Variants in RANBP2 observed in about 807,000 individuals in gnomAD.
RANBP2 encodes E3 SUMO-protein ligase RanBP2.
RANBP2 carries 57 observed loss-of-function variants against 303.6 expected under a neutral mutation model. The observed-to-expected ratio is 0.19, with a 90% CI of 0.15 to 0.23. The LOEUF (loss-of-function observed/expected upper bound fraction) is 0.23, where lower values mean the gene tolerates loss of function less well. RANBP2 is among the 10% of genes least tolerant of loss of function. The probability of loss-of-function intolerance (pLI) is 1.00; values close to 1 mark genes in which losing one functional copy is unlikely to be tolerated. For synonymous variants in RANBP2, 1,167 were observed against 1,301.5 expected, an observed-to-expected ratio of 0.90 and a Z score of 2.23; for missense variants, 3,138 against 3,780.8, an observed-to-expected ratio of 0.83 and a Z score of 4.46.
the RANBP2 span, among the ~76,000 whole-genome samples, chr2:108,887,469 G>C: frequency 6.6e-6 from 1 of 152,044 alleles, no homozygotes; most frequent in Non-Finnish European, 1.5e-5. Flanking sequence ...TGGGCAACGT[G>C]GTTATTTTAA....
intron 1 of RANBP2, among the ~76,000 whole-genome samples, chr2:108,721,128 G>A (rs937409535): frequency 1.3e-5 from 2 of 152,158 alleles, no homozygotes; most frequent in Admixed American, 6.5e-5. Flanking sequence ...GTCTCTTATC[G>A]TAACTAAGCA....
chr2:109,097,121 T>C, the RANBP2 span, among the ~76,000 whole-genome samples: 1 of 152,116 alleles, frequency 6.6e-6, no homozygotes, highest in African/African-American at 2.4e-5. Context: ...CTGGCCAACA[T>C]GGTGAAACCC....
chr2:109,640,492 A>G, the RANBP2 span, among the ~76,000 whole-genome samples: 3 of 152,088 alleles, frequency 2.0e-5, no homozygotes, highest in Non-Finnish European at 2.9e-5. Flanking sequence ...TGTTTTCAAA[A>G]CCCAAGTCTC....
the RANBP2 span, among the ~76,000 whole-genome samples, chr2:108,790,914 G>A: frequency 6.6e-6 from 1 of 151,712 alleles, no homozygotes; most frequent in Non-Finnish European, 1.5e-5. Flanking sequence ...ACTACTCCCA[G>A]CTAATTTATT....
chr2:109,347,383 C>T, the RANBP2 span, among the ~76,000 whole-genome samples: 8 of 152,128 alleles, frequency 5.3e-5, no homozygotes, highest in East Asian at 1.4e-3. Flanking sequence ...CCAGCACCTA[C>T]TTCAGAGTCC....
chr2:109,070,689 T>C, the RANBP2 span, among the ~76,000 whole-genome samples: 1 of 152,022 alleles, frequency 6.6e-6, no homozygotes, highest in Middle Eastern at 3.2e-3. Context: ...GTGAAACCCA[T>C]CTCTACTAAA....
chr2:109,493,039 T>TACACCATAAAAACACACACAC, the RANBP2 span, among the ~76,000 whole-genome samples: 1 of 150,670 alleles, frequency 6.6e-6, no homozygotes, highest in Non-Finnish European at 1.5e-5. Context: ...TACAAACACA[T>TACACCATAAAAACACACACAC]ACCCCACATA....
chr2:109,649,586 T>C, the RANBP2 span, among the ~76,000 whole-genome samples: 35 of 152,082 alleles, frequency 2.3e-4, no homozygotes, highest in African/African-American at 8.2e-4. Flanking sequence ...TTAGTAGAGA[T>C]GGGGTTTCAC....
chr2:108,859,999 C>G, the RANBP2 span, among the ~76,000 whole-genome samples: 1 of 151,966 alleles, frequency 6.6e-6, no homozygotes. Context: ...TTATAGTTCT[C>G]CTTGTAGAGA....
Position 108,719,562 on chromosome 2 carries a change from C to T in RANBP2, c.-45C>T, listed in dbSNP as rs79379002. ...CTTGGAAGTGGCGACTGCTGCGGGC[C>T]TGAGCGCTGGTCTCACGCGCCTCGG... On this transcript the variant is annotated 5_prime_UTR_variant, in exon 1 of 29. Transcript: ENST00000283195. 0.034 allele frequency: 53,630 copies of T among 1,578,448 alleles called. 1,001 individuals carry two copies. The highest frequency in any genetic ancestry group is 0.039 in the Non-Finnish European group (45,658 of 1,163,922).
the RANBP2 span, chr2:109,546,255 A>G: frequency 6.6e-7 from 1 of 1,519,594 alleles, no homozygotes; most frequent in Non-Finnish European, 8.8e-7. Flanking sequence ...CAAAAGTGCA[A>G]TCCCCACTAC....
chr2:108,826,610 A>G, the RANBP2 span, among the ~76,000 whole-genome samples: 1 of 152,040 alleles, frequency 6.6e-6, no homozygotes, highest in African/African-American at 2.4e-5. Flanking sequence ...CCATTGTTCT[A>G]TTTGTCTATC....
chr2:109,670,388 T>C, the RANBP2 span, among the ~76,000 whole-genome samples: 2 of 150,804 alleles, frequency 1.3e-5, no homozygotes, highest in African/African-American at 2.4e-5. Context: ...TGGTTGGGGA[T>C]ACTATCTGGG....
chr2:109,057,009 A>G, the RANBP2 span, among the ~76,000 whole-genome samples: 2 of 152,208 alleles, frequency 1.3e-5, no homozygotes, highest in Non-Finnish European at 2.9e-5. Context: ...GGTTTAATCT[A>G]TCTCTCATCT....
the RANBP2 span, among the ~76,000 whole-genome samples, chr2:108,792,537 C>T: frequency 1.3e-4 from 20 of 152,130 alleles, no homozygotes; most frequent in East Asian, 1.9e-4. Context: ...AAGAAATGCT[C>T]GGGCCAGGGA....
chr2:109,634,763 A>G, the RANBP2 span, among the ~76,000 whole-genome samples: 1 of 152,196 alleles, frequency 6.6e-6, no homozygotes, highest in African/African-American at 2.4e-5. Context: ...TAACATGGGA[A>G]GGAGGCTTAG....
the RANBP2 span, chr2:108,885,025 T>C: frequency 6.6e-6 from 1 of 152,236 alleles, no homozygotes; most frequent in Admixed American, 6.5e-5. Context: ...AATACAAATA[T>C]TTGCAGAGAA....
At chr2:109,105,892 C>T in the RANBP2 span, among the ~76,000 whole-genome samples, 23 of 126,080 alleles carry the variant, frequency 1.8e-4, no homozygotes, top group East Asian at 4.6e-3. Flanking sequence ...CACGCTCTGT[C>T]GCCCAGGCTG....
chr2:109,729,208 G>A, the RANBP2 span, among the ~76,000 whole-genome samples: 12 of 152,174 alleles, frequency 7.9e-5, no homozygotes, highest in Non-Finnish European at 1.5e-4. Flanking sequence ...GTTCCTTCAC[G>A]TAGGAGAAAG....
Sources: gnomAD v4.1 joint callset for allele counts (sites outside exome capture counted in the v4.1 genomes callset) on GRCh38, gnomAD v4.1.1 for gene constraint, MANE v1.5 for transcripts, NCBI Gene and HGNC (gene_info 2026-07-23, HGNC 2026-07-21) for gene names.